The following TRAF3IP2 variants were observed in gnomAD, a reference collection of about 807,000 sequenced individuals.
The protein encoded by TRAF3IP2 is E3 ubiquitin ligase TRAF3IP2.
Under a neutral mutation model 57.9 loss-of-function variants are expected in TRAF3IP2, and 35 were observed. That is an observed-to-expected ratio of 0.60 (90% CI 0.46 to 0.80). The LOEUF is 0.80. TRAF3IP2 is among the 30% of genes least tolerant of loss of function. The pLI, the probability that TRAF3IP2 is intolerant of heterozygous loss-of-function variation, is 0.00. For synonymous variants in TRAF3IP2, 251 were observed against 268.9 expected (o/e 0.93, Z 0.65); for missense variants, 556 against 706.4 (o/e 0.79, Z 2.41).
intron 2 of TRAF3IP2, among the ~76,000 whole-genome samples, chr6:111,590,774 T>C (rs1372986965): frequency 3.3e-5 from 5 of 152,166 alleles, no homozygotes; most frequent in Non-Finnish European, 7.3e-5. Context: ...TTTCATGTAA[T>C]GGCCCGAATC....
At chr6:111,582,376 G>C (rs181690139) in intron 2 of TRAF3IP2, among the ~76,000 whole-genome samples, 6 of 152,102 alleles carry the variant, frequency 3.9e-5, no homozygotes, top group Non-Finnish European at 7.3e-5. Context: ...CAAGTAGTAG[G>C]GGTTTAAAGA....
At chr6:111,568,629 C>A (rs1445824843) in intron 5 of TRAF3IP2, among the ~76,000 whole-genome samples, 1 of 152,100 alleles carries the variant, frequency 6.6e-6, no homozygotes, top group East Asian at 1.9e-4. Context: ...TCCTAAATGT[C>A]ATTCCAGGCC....
intron 6 of TRAF3IP2, chr6:111,567,177 T>C: frequency 5.0e-6 from 5 of 1,003,472 alleles, no homozygotes; most frequent in Non-Finnish European, 5.9e-6. Context: ...GTATAGATTC[T>C]GTCAGTGGAG....
intron 5 of TRAF3IP2, among the ~76,000 whole-genome samples, chr6:111,569,809 TA>T (rs953185878): frequency 2.6e-5 from 4 of 152,156 alleles, no homozygotes; most frequent in African/African-American, 9.7e-5. Flanking sequence ...CCAAGCACTC[TA>T]AATTATTCCC....
intron 1 of TRAF3IP2, among the ~76,000 whole-genome samples, chr6:111,597,430 C>T (rs1439943906): frequency 6.6e-6 from 1 of 152,208 alleles, no homozygotes; most frequent in African/African-American, 2.4e-5. Flanking sequence ...CAGGCCCCCT[C>T]CAGCCCCAGA....
Position 111,591,810 on chromosome 6 carries a change from C to T in TRAF3IP2, c.277G>A (p.Asp93Asn), listed in dbSNP as rs752763421. 1.2e-6 allele frequency: 2 copies of T among 1,614,134 alleles called. No homozygotes were observed. Among genetic ancestry groups the T allele is most frequent in the East Asian group, 2.2e-5 (1 of 44,898 alleles). The part of the protein sequence containing the change: ...LRTQVLEDSE[D>N]SFCRRHPGLG... ...CCTGGGTGTCTCCTGCAGAAACTGT[C>T]TTCACTGTCCTCCAGAACTTGAGTG... is the stretch of plus-strand genomic sequence containing the variant. Residue 93 changes from aspartate (D) to asparagine (N), a missense_variant, in exon 2 of 9, where the codon GAC becomes AAC. Around this residue, in one of 2 missense-constraint regions of TRAF3IP2, gnomAD observed 428 missense variants for 498.7 expected, o/e 0.86. Transcript: ENST00000368761. This position sits in a 1 kb window ranked among gnomAD's most constrained non-coding sequence, Gnocchi z 4.9.
intron 4 of TRAF3IP2, chr6:111,574,005 C>T (rs1795905949): frequency 6.6e-6 from 1 of 152,160 alleles, no homozygotes; most frequent in Non-Finnish European, 1.5e-5. Context: ...CTTCTGAACA[C>T]CTAACATTCA....
Position 111,580,220 on chromosome 6 carries a change from G to A in TRAF3IP2, c.999C>T (p.Ser333=). Residue 333 remains serine (S), a synonymous_variant, in exon 3 of 9, where the codon TCC becomes TCT. Coordinates refer to ENST00000368761, the MANE Select transcript of TRAF3IP2 (RefSeq NM_147686.4). ...HEERPAQRDC[S]FPGLPRHQDQ... ...ACTGGTGCCTTGGAAGCCCCGGAAA[G>A]GAGCAGTCTCTCTGTGCGGGCCTCT... The A allele has an allele frequency of 6.2e-7, 1 of 1,614,220 alleles. No homozygotes were observed. Among genetic ancestry groups the A allele is most frequent in the Non-Finnish European group, 8.5e-7 (1 of 1,180,028 alleles).
chr6:111,559,259 C>T lies in TRAF3IP2; in HGVS notation c.*146G>A. 1 of 1,143,580 alleles carries T rather than the reference C, an allele frequency of 8.7e-7. No individual in the cohort carries two copies. Among genetic ancestry groups the T allele is most frequent in the Non-Finnish European group, 1.2e-6 (1 of 810,826 alleles). 70.8% of individuals were successfully genotyped at this position (1,143,580 alleles called of 1,614,324 possible). On this transcript the variant is annotated 3_prime_UTR_variant, in exon 9 of 9. Coordinates refer to ENST00000368761, the MANE Select transcript of TRAF3IP2 (RefSeq NM_147686.4). ...GAGGTCTCCGGGGAAGAGCTCTGCA[C>T]AACAGGTTTCCTGGGGGCCAGAGGG...
At chr6:111,577,551 G>A (rs905856533) in intron 3 of TRAF3IP2, among the ~76,000 whole-genome samples, 25 of 151,966 alleles carry the variant, frequency 1.6e-4, no homozygotes, top group Admixed American at 1.6e-3. Context: ...ACCACACCTG[G>A]CTAATTTTTG....
At chr6:111,601,150 T>A in intron 1 of TRAF3IP2, 1 of 756,152 alleles carries the variant, frequency 1.3e-6, no homozygotes, top group Non-Finnish European at 2.5e-6. Flanking sequence ...GGAAGCCACA[T>A]AACCCCTAGG....
In TRAF3IP2 at chr6:111,557,004, A is replaced by C. The variant is rs1280703260; in HGVS notation, c.*2401T>G. 1.4e-5 allele frequency: 2 copies of C among 148,054 alleles called. No homozygotes were observed. Among genetic ancestry groups the C allele is most frequent in the South Asian group, 2.1e-4 (1 of 4,766 alleles). The allele number at this position is 148,054 out of a possible 1,614,324, so 9.2% of individuals were successfully genotyped here. A position where few individuals can be genotyped will look rare whatever the true frequency, so the allele number is the denominator to read the frequency against. On this transcript the variant is annotated 3_prime_UTR_variant, in exon 9 of 9. Coordinates refer to ENST00000368761, the MANE Select transcript of TRAF3IP2 (RefSeq NM_147686.4). ...TAACCAAGCATGTTGGTGCACACCT[A>C]TAGTCCCTGCTACTTGGGAGGCTGA... is the stretch of plus-strand genomic sequence containing the variant.
At chr6:111,587,554 C>T (rs1303581854) in intron 2 of TRAF3IP2, among the ~76,000 whole-genome samples, 5 of 152,030 alleles carry the variant, frequency 3.3e-5, no homozygotes, top group South Asian at 2.1e-4. Context: ...TGCACCCGGC[C>T]GTTTGCTATT....
At chr6:111,574,993 G>A (rs994889080) in intron 4 of TRAF3IP2, among the ~76,000 whole-genome samples, 8 of 152,092 alleles carry the variant, frequency 5.3e-5, no homozygotes, top group African/African-American at 1.2e-4. Context: ...AGGCCAAGGC[G>A]GGTGGATCAC....
At chr6:111,566,364 CTG>C in intron 7 of TRAF3IP2, 78 bp downstream of exon 7, 1 of 1,152,420 alleles carries the variant, frequency 8.7e-7, no homozygotes, top group Non-Finnish European at 1.3e-6. Context: ...CAGCTGGTCT[CTG>C]GGGAAGAATG....
chr6:111,581,845 G>C (rs1447256818), intron 2 of TRAF3IP2, among the ~76,000 whole-genome samples: 1 of 152,102 alleles, frequency 6.6e-6, no homozygotes, highest in Non-Finnish European at 1.5e-5. Context: ...GGGTGTGATG[G>C]CGCGCACCTG....
intron 2 of TRAF3IP2, among the ~76,000 whole-genome samples, chr6:111,587,478 C>T (rs1266014068): frequency 1.3e-5 from 2 of 151,996 alleles, no homozygotes; most frequent in Admixed American, 6.6e-5. Flanking sequence ...TGGTCTTGAA[C>T]TCCTGACCTC....
In TRAF3IP2 at chr6:111,555,839, C is replaced by T. The variant is rs879661906; in HGVS notation, c.*3566G>A. On this transcript the variant is annotated 3_prime_UTR_variant, in exon 9 of 9. Coordinates refer to ENST00000368761, the MANE Select transcript of TRAF3IP2 (RefSeq NM_147686.4). ...CTTTGATGGGCCGGGCGTGGTGGCT[C>T]ATGCCTGTAATCCCAGCAATTTGGG... 6.6e-6 allele frequency among the ~76,000 whole-genome samples: 1 copy of T among 152,104 alleles called. No individual in the cohort carries two copies. Among genetic ancestry groups the T allele is most frequent in the African/African-American group, 2.4e-5 (1 of 41,404 alleles).
At chr6:111,574,464 A>G (rs1795920190) in intron 4 of TRAF3IP2, among the ~76,000 whole-genome samples, 1 of 152,258 alleles carries the variant, frequency 6.6e-6, no homozygotes, top group Non-Finnish European at 1.5e-5. Context: ...TGATATTTCA[A>G]CATTTCTGGT....
Sources: allele counts gnomAD v4.1 joint callset (sites outside exome capture counted in the v4.1 genomes callset), GRCh38; gene constraint gnomAD v4.1.1; regional missense constraint gnomAD v4.1.1; non-coding constraint Gnocchi (gnomAD v3.1); transcripts MANE v1.5; gene names NCBI Gene and HGNC (gene_info 2026-07-23, HGNC 2026-07-21).